Variants in KIN observed in about 807,000 individuals in gnomAD.
KIN encodes the protein Kin17 DNA and RNA binding protein, also known as DNA/RNA-binding protein KIN17.
KIN carries 47 observed loss-of-function variants against 63.0 expected under a neutral mutation model. The observed-to-expected ratio is 0.75, with a 90% CI of 0.59 to 0.95. The LOEUF (loss-of-function observed/expected upper bound fraction) is 0.95, where lower values mean the gene tolerates loss of function less well. Ranked by LOEUF, KIN falls within the 40% of genes least tolerant of loss-of-function variation. KIN has a pLI of 0.00. For missense variants in KIN, 408 were observed against 460.9 expected (o/e 0.89, Z 1.05); for synonymous variants, 160 against 157.7 (o/e 1.01, Z -0.11).
chr10:7,778,781 C>T, intron 5 of KIN, 57 bp downstream of exon 5: 1 of 1,517,968 alleles, frequency 6.6e-7, no homozygotes, highest in Non-Finnish European at 9.0e-7. Flanking sequence ...AAAACCAAGC[C>T]ATTGTGCTTC....
At chr10:7,777,872 CT>C (rs756056697) in intron 5 of KIN, among the ~76,000 whole-genome samples, 11 of 148,030 alleles carry the variant, frequency 7.4e-5, no homozygotes, top group Non-Finnish European at 1.3e-4. Flanking sequence ...GCACTCCAGC[CT>C]GGGCGACAGA....
intron 12 of KIN, among the ~76,000 whole-genome samples, chr10:7,758,201 C>T (rs1462244326): frequency 6.6e-6 from 1 of 151,856 alleles, no homozygotes; most frequent in East Asian, 1.9e-4. Flanking sequence ...GTCTCCCGAG[C>T]TGGGACTTCA....
At chr10:7,777,183 C>A (rs1027183254) in intron 5 of KIN, among the ~76,000 whole-genome samples, 1 of 149,948 alleles carries the variant, frequency 6.7e-6, no homozygotes, top group Non-Finnish European at 1.5e-5. Flanking sequence ...ATTTTTATTT[C>A]TATTACAACT....
intron 8 of KIN, among the ~76,000 whole-genome samples, chr10:7,767,731 T>C (rs1220574312): frequency 1.3e-5 from 2 of 151,728 alleles, no homozygotes; most frequent in East Asian, 1.9e-4. Flanking sequence ...TGGTGGCGGG[T>C]GCCTGTAATC....
chr10:7,778,302 A>G (rs1835821106), intron 5 of KIN, among the ~76,000 whole-genome samples: 1 of 152,226 alleles, frequency 6.6e-6, no homozygotes, highest in South Asian at 2.1e-4. Context: ...AGGTTTGGAA[A>G]TATTATGCAA....
In KIN at chr10:7,783,166, TA is replaced by T. The variant is rs1228771665; in HGVS notation, c.123del (p.Phe41LeufsTer37). On this transcript the variant is annotated frameshift_variant, in exon 2 of 13. Transcript: ENST00000379562. LOFTEE classifies it high-confidence loss of function. Reference protein sequence around the residue: ...CQKQCRDENGFKCHCMSESHQ... With the variant: ...CQKQCRDENGXKCHCMSESHQ... ...TGAGATTCGGACATACAATGACACTTAAAGCCATTCTACAAAAAATGTAAAA... is the reference window on the plus strand; with the variant it reads ...TGAGATTCGGACATACAATGACACTTAAGCCATTCTACAAAAAATGTAAAA... The T allele has an allele frequency of 6.3e-7, 1 of 1,578,464 alleles. No homozygotes were observed. The highest frequency in any genetic ancestry group is 8.6e-7 in the Non-Finnish European group (1 of 1,160,718).
At chr10:7,760,083 A>AT in intron 11 of KIN, 93 bp from the exon 12 acceptor site, 2 of 589,790 alleles carry the variant, frequency 3.4e-6, no homozygotes, top group Non-Finnish European at 5.8e-6. Context: ...CTGAATAAAC[A>AT]TAATAAAAAA....
chr10:7,785,738 C>T (rs1226395967), intron 1 of KIN, among the ~76,000 whole-genome samples: 7 of 151,072 alleles, frequency 4.6e-5, no homozygotes, highest in African/African-American at 1.5e-4. Context: ...CACTTGAACC[C>T]GGGAGGCAAA....
rs943631393 is a variant in KIN, at chr10:7,775,755, C to T, written c.603G>A (p.Glu201=). Residue 201 remains glutamate, a synonymous_variant, in exon 6 of 13, where the codon GAG becomes GAA. Coordinates refer to ENST00000379562, the MANE Select transcript of KIN (RefSeq NM_012311.4). ...AAAAATAAAAAATAAAACTACCTTT[C>T]TCTTCATCATTTTCTCTGCTTAATT... ...FTELSRENDE[E]KVTFNLSKGA... is the part of the protein sequence containing the mutation. The T allele has an allele frequency of 3.2e-5, 48 of 1,520,524 alleles. No homozygotes were observed. The highest frequency in any genetic ancestry group is 4.1e-5 in the Non-Finnish European group (46 of 1,120,094). The allele number at this position is 1,520,524 out of a possible 1,614,324, so 94.2% of individuals were successfully genotyped here.
intron 9 of KIN, 41 bp downstream of exon 9, chr10:7,766,012 A>G: frequency 6.9e-7 from 1 of 1,439,058 alleles, no homozygotes; most frequent in Non-Finnish European, 9.6e-7. Flanking sequence ...ATTCACTTAA[A>G]CATACATTTA....
In KIN at chr10:7,778,831, T is replaced by G; in HGVS notation, c.558+7A>C. 6.2e-7 allele frequency: 1 copy of G among 1,612,998 alleles called. No individual in the cohort carries two copies. Among genetic ancestry groups the G allele is most frequent in the Non-Finnish European group, 8.5e-7 (1 of 1,179,744 alleles). ...CGTTGCTTCTCAGGATGATGTTGCT[T>G]ACCCACCTGTTCCTTCCCTTCCAGG... On this transcript the variant is annotated splice_region_variant and intron_variant, in intron 5 of 12. Transcript: ENST00000379562.
chr10:7,770,565 C>T (rs1835647419), intron 7 of KIN, among the ~76,000 whole-genome samples: 1 of 151,924 alleles, frequency 6.6e-6, no homozygotes, highest in Non-Finnish European at 1.5e-5. Flanking sequence ...ATGTACGACT[C>T]CTCTCTTGTA....
chr10:7,779,104 T>G (rs1835843769), intron 4 of KIN, 85 bp from the exon 5 acceptor site: 1 of 1,485,396 alleles, frequency 6.7e-7, no homozygotes, highest in Non-Finnish European at 9.2e-7. Context: ...GCATATTTAT[T>G]CATTCAAACA....
Position 7,754,791 on chromosome 10 carries a change from CCG to C in KIN, c.*1287_*1288del, listed in dbSNP as rs1835303375. The C allele has an allele frequency of 6.6e-6, 1 of 152,300 alleles. No homozygotes were observed. Among genetic ancestry groups the C allele is most frequent in the South Asian group, 2.1e-4 (1 of 4,832 alleles). The allele number at this position is 152,300 out of a possible 1,614,324, so 9.4% of individuals were successfully genotyped here. On this transcript the variant is annotated 3_prime_UTR_variant, in exon 13 of 13. Coordinates refer to ENST00000379562, the MANE Select transcript of KIN (RefSeq NM_012311.4). ...GAAGCCCAGGGAAGGCTGTTCACAC[CCG>C]GTCCCGCTGCCCTGGAAGCTAGCGT... is the stretch of plus-strand genomic sequence containing the variant.
chr10:7,772,127 G>A (rs375766815), intron 7 of KIN, among the ~76,000 whole-genome samples: 3 of 152,054 alleles, frequency 2.0e-5, no homozygotes, highest in African/African-American at 4.8e-5. Flanking sequence ...GCAAACGGCA[G>A]GAGACATACA....
intron 7 of KIN, 107 bp from the exon 8 acceptor site, chr10:7,769,452 C>T (rs919319794): frequency 8.8e-7 from 1 of 1,140,930 alleles, no homozygotes; most frequent in Non-Finnish European, 1.2e-6. Flanking sequence ...TAGTAATTTA[C>T]AGGAGATTAG....
At chr10:7,770,123 G>A (rs1835637837) in intron 7 of KIN, among the ~76,000 whole-genome samples, 1 of 152,164 alleles carries the variant, frequency 6.6e-6, no homozygotes, top group Non-Finnish European at 1.5e-5. Flanking sequence ...TAGAGATGGG[G>A]TTTCGCAATG....
chr10:7,772,770 C>G (rs1278181477), intron 7 of KIN, among the ~76,000 whole-genome samples: 1 of 152,044 alleles, frequency 6.6e-6, no homozygotes, highest in African/African-American at 2.4e-5. Context: ...AATAAATTAT[C>G]AAAATTGGTC....
intron 12 of KIN, among the ~76,000 whole-genome samples, chr10:7,758,029 T>A (rs914121754): frequency 6.8e-6 from 1 of 146,026 alleles, no homozygotes; most frequent in Non-Finnish European, 1.5e-5. Flanking sequence ...TTTTTTTTAA[T>A]GAGGACAGGC....
Sources: allele counts gnomAD v4.1 joint callset (sites outside exome capture counted in the v4.1 genomes callset), GRCh38; gene constraint gnomAD v4.1.1; transcripts MANE v1.5; gene names NCBI Gene and HGNC (gene_info 2026-07-23, HGNC 2026-07-21).